Variants in CBLB observed in about 807,000 individuals in gnomAD.
The protein encoded by CBLB is Cbl proto-oncogene B.
CBLB carries 31 observed loss-of-function variants against 104.9 expected under a neutral mutation model. The ratio of observed to expected loss-of-function variants is 0.30; its 90% CI spans 0.22 to 0.40. CBLB has a LOEUF of 0.40. Among genes scored for constraint, CBLB ranks in the 10% least tolerant of loss-of-function variants. The pLI, the probability that CBLB is intolerant of heterozygous loss-of-function variation, is 1.00. For synonymous variants in CBLB, 440 were observed against 422.6 expected (o/e 1.04, Z -0.51); for missense variants, 1,062 against 1,214.6 (o/e 0.87, Z 1.87).
At chr3:105,779,097 T>C (rs1479597313) in intron 3 of CBLB, among the ~76,000 whole-genome samples, 1 of 152,212 alleles carries the variant, frequency 6.6e-6, no homozygotes, top group Non-Finnish European at 1.5e-5. Context: ...TGTTCTTTAT[T>C]TTCTGAATTG....
At chr3:105,763,886 G>A (rs1001102632) in intron 4 of CBLB, among the ~76,000 whole-genome samples, 29 of 152,194 alleles carry the variant, frequency 1.9e-4, no homozygotes, top group African/African-American at 6.8e-4. Flanking sequence ...AAGAGCAGTG[G>A]CTAGAGTACC....
chr3:105,713,105 G>A (rs1458037733), intron 10 of CBLB, among the ~76,000 whole-genome samples: 1 of 151,988 alleles, frequency 6.6e-6, no homozygotes, highest in Non-Finnish European at 1.5e-5. Context: ...CCCCATCTTT[G>A]TTAATTTACT....
chr3:105,728,824 A>G (rs759285903), intron 9 of CBLB, among the ~76,000 whole-genome samples: 1 of 152,182 alleles, frequency 6.6e-6, no homozygotes, highest in Non-Finnish European at 1.5e-5. Flanking sequence ...ACCTCTTCAG[A>G]GGCATGACTA....
chr3:105,837,244 T>A (rs1048219716), intron 3 of CBLB, among the ~76,000 whole-genome samples: 1 of 152,170 alleles, frequency 6.6e-6, no homozygotes, highest in African/African-American at 2.4e-5. Context: ...ATAACAACCA[T>A]CTGCTGCACA....
Position 105,657,961 on chromosome 3 carries a change from A to T in CBLB, c.*1009T>A, listed in dbSNP as rs1576050680. ...GTGTAATCACTTAAATGGGAAATGA[A>T]CTCTAATTCCACTTGAGAAAAGGTA... is the stretch of plus-strand genomic sequence containing the variant. On this transcript the variant is annotated 3_prime_UTR_variant, in exon 19 of 19. Transcript: ENST00000394030. 1 of 212,136 alleles carries T rather than the reference A, an allele frequency of 4.7e-6. No individual in the cohort carries two copies. The highest frequency in any genetic ancestry group is 7.1e-5 in the East Asian group (1 of 14,116). 13.1% of individuals were successfully genotyped at this position (212,136 alleles called of 1,614,324 possible).
intron 10 of CBLB, among the ~76,000 whole-genome samples, chr3:105,711,953 G>A (rs1336020449): frequency 2.0e-5 from 3 of 152,144 alleles, no homozygotes; most frequent in Admixed American, 6.6e-5. Context: ...AATGGAATAA[G>A]AGCTGATTTC....
intron 2 of CBLB, among the ~76,000 whole-genome samples, chr3:105,859,160 CT>C (rs1449340071): frequency 6.6e-6 from 1 of 152,138 alleles, no homozygotes; most frequent in African/African-American, 2.4e-5. Context: ...TAGTACATTC[CT>C]TGCAAACAAG....
intron 3 of CBLB, among the ~76,000 whole-genome samples, chr3:105,805,381 T>C (rs2083374223): frequency 6.6e-6 from 1 of 151,156 alleles, no homozygotes; most frequent in Non-Finnish European, 1.5e-5. Flanking sequence ...CTCAGCTCAC[T>C]GCAACCTCTG....
chr3:105,843,589 G>A (rs915740512), intron 3 of CBLB, among the ~76,000 whole-genome samples: 11 of 151,142 alleles, frequency 7.3e-5, no homozygotes, highest in Admixed American at 2.0e-4. Context: ...CATTAAAATC[G>A]GTAAGAATGT....
In CBLB at chr3:105,664,713, C is replaced by G. The variant is rs182944324; in HGVS notation, c.2690-5484G>C. Among the ~76,000 whole-genome samples, 545 of 152,226 alleles carry G rather than the reference C, an allele frequency of 3.6e-3. 3 individuals carry two copies. Among genetic ancestry groups the G allele is most frequent in the Admixed American group, 4.1e-3 (62 of 15,286 alleles). ...GTATCTAAGACTGAGAACCAGAGATCGATTTCGCTCATGTGAAAAATATAG... is the reference window on the plus strand; with the variant it reads ...GTATCTAAGACTGAGAACCAGAGATGGATTTCGCTCATGTGAAAAATATAG... On this transcript the variant is annotated intron_variant, in intron 18 of 18. Coordinates refer to ENST00000394030, the MANE Select transcript of CBLB (RefSeq NM_170662.5).
At chr3:105,837,914 C>CA (rs1035121057) in intron 3 of CBLB, among the ~76,000 whole-genome samples, 3 of 152,034 alleles carry the variant, frequency 2.0e-5, no homozygotes, top group African/African-American at 7.3e-5. Context: ...CTCCAGGCCC[C>CA]AGCAGCTCGT....
chr3:105,768,308 G>T (rs1207758150), intron 4 of CBLB, among the ~76,000 whole-genome samples: 1 of 152,130 alleles, frequency 6.6e-6, no homozygotes, highest in Non-Finnish European at 1.5e-5. Context: ...TTATGCCAGA[G>T]ATTATAAAAA....
rs1003216661 is a variant in CBLB, at chr3:105,853,736, C to T, written c.169-72G>A. ...CAGAAAAATTAAAAAGTTAGAGAAC[C>T]ATGTCCTATTTCTTCATTTTTCCAT... is the stretch of plus-strand genomic sequence containing the variant. On this transcript the variant is annotated intron_variant, in intron 2 of 18. Coordinates refer to ENST00000394030, the MANE Select transcript of CBLB (RefSeq NM_170662.5). 7 of 1,046,894 alleles carry T rather than the reference C, an allele frequency of 6.7e-6. No homozygotes were observed. In the African/African-American group the frequency reaches 9.7e-5, roughly 14 times the overall value. 64.9% of individuals were successfully genotyped at this position (1,046,894 alleles called of 1,614,324 possible). A position where few individuals can be genotyped will look rare whatever the true frequency, so the allele number is the denominator to read the frequency against.
intron 2 of CBLB, among the ~76,000 whole-genome samples, chr3:105,860,553 G>A (rs1267348136): frequency 2.0e-5 from 3 of 152,126 alleles, no homozygotes; most frequent in South Asian, 2.1e-4. Context: ...TTCTTCTTCG[G>A]GAAACCTCTT....
At position 105,776,497 on chromosome 3, in the gene CBLB, T is replaced by C. The variant is rs1013481046; in HGVS notation, c.465A>G (p.Ala155=). The C allele has an allele frequency of 3.8e-5, 61 of 1,613,746 alleles. No individual in the cohort carries two copies. Among genetic ancestry groups the C allele is most frequent in the Non-Finnish European group, 4.6e-5 (54 of 1,179,870 alleles). Residue 155 remains alanine (A), a synonymous_variant, in exon 4 of 19, where the codon GCA becomes GCG. Coordinates refer to ENST00000394030, the MANE Select transcript of CBLB (RefSeq NM_170662.5). ...CATTGGGAAAGATTGCTTTGATTTC[T>C]GCCAGCATGTGACTGAAGATAAGGG... ...KLSLIFSHML[A]EIKAIFPNGQ... is the part of the protein sequence containing the mutation.
At chr3:105,719,449 T>C (rs1431052462) in intron 10 of CBLB, among the ~76,000 whole-genome samples, 4 of 152,210 alleles carry the variant, frequency 2.6e-5, no homozygotes, top group Admixed American at 6.5e-5. Flanking sequence ...ATTTCGGTAA[T>C]GGACCACATA....
intron 3 of CBLB, among the ~76,000 whole-genome samples, chr3:105,782,390 T>C (rs2080364693): frequency 6.6e-6 from 1 of 152,122 alleles, no homozygotes; most frequent in Non-Finnish European, 1.5e-5. Context: ...AACTGATCAC[T>C]TTAAAAGAAA....
chr3:105,690,059 T>C (rs914001098), intron 13 of CBLB, among the ~76,000 whole-genome samples: 5 of 152,044 alleles, frequency 3.3e-5, no homozygotes, highest in African/African-American at 1.2e-4. Context: ...ATCATGTAAA[T>C]GGGAATCAGA....
chr3:105,737,085 A>G lies in CBLB; in HGVS notation c.1071+86T>C. ...ATTTTGTATTAAATACCTGTGCATG[A>G]TTTTAACTACACTAAGAGAGTCTTA... On this transcript the variant is annotated intron_variant, in intron 8 of 18. Coordinates refer to ENST00000394030, the MANE Select transcript of CBLB (RefSeq NM_170662.5). 2 of 620,838 alleles carry G rather than the reference A, an allele frequency of 3.2e-6. 1 individual carries two copies. Among genetic ancestry groups the G allele is most frequent in the South Asian group, 5.1e-5 (2 of 39,250 alleles). 38.5% of individuals were successfully genotyped at this position (620,838 alleles called of 1,614,324 possible). A position where few individuals can be genotyped will look rare whatever the true frequency, so the allele number is the denominator to read the frequency against.
Sources: gnomAD v4.1 joint callset for allele counts (sites outside exome capture counted in the v4.1 genomes callset) on GRCh38, gnomAD v4.1.1 for gene constraint, MANE v1.5 for transcripts, NCBI Gene and HGNC (gene_info 2026-07-23, HGNC 2026-07-21) for gene names.